MAMDC2: variants seen among roughly 807,000 people sequenced by gnomAD.
The protein encoded by MAMDC2 is MAM domain containing 2, also known as MAM domain-containing protein 2.
In MAMDC2, 57 loss-of-function variants were observed where a neutral mutation model predicts 89.8. That is an observed-to-expected ratio of 0.63 (90% CI 0.51 to 0.79). The LOEUF (loss-of-function observed/expected upper bound fraction) is 0.79, where lower values mean the gene tolerates loss of function less well. Among genes scored for constraint, MAMDC2 ranks in the 30% least tolerant of loss-of-function variants. The pLI, the probability that MAMDC2 is intolerant of heterozygous loss-of-function variation, is 0.00. For missense variants in MAMDC2, 800 were observed against 820.6 expected, an observed-to-expected ratio of 0.97 and a Z score of 0.31; for synonymous variants, 313 against 293.4, an observed-to-expected ratio of 1.07 and a Z score of -0.68.
Position 70,056,772 on chromosome 9 carries a change from T to C in MAMDC2, c.148+12075T>C, listed in dbSNP as rs371962401. Among the ~76,000 whole-genome samples the C allele has an allele frequency of 1.7e-3, 263 of 152,270 alleles. 1 individual carries two copies. In the South Asian group the frequency reaches 0.018, roughly 10 times the overall value. On this transcript the variant is annotated intron_variant, in intron 2 of 13. Coordinates refer to ENST00000377182, the MANE Select transcript of MAMDC2 (RefSeq NM_153267.5). ...AGGCAAGCGAGGCTTCATCTGTATT[T>C]ACAGCCACTCCCCATCACTTGCATT...
At chr9:70,052,095 A>G (rs181725303) in intron 2 of MAMDC2, among the ~76,000 whole-genome samples, 13 of 152,348 alleles carry the variant, frequency 8.5e-5, no homozygotes, top group African/African-American at 2.9e-4. Context: ...TTAAAAAACA[A>G]CACACACTAA....
intron 2 of MAMDC2, among the ~76,000 whole-genome samples, chr9:70,091,189 AC>A (rs1424576363): frequency 6.6e-6 from 1 of 152,180 alleles, no homozygotes; most frequent in Admixed American, 6.5e-5. Context: ...TGTATTACTT[AC>A]TAAAAATAAA....
At chr9:70,223,095 C>T (rs2033594838) in intron 12 of MAMDC2, among the ~76,000 whole-genome samples, 1 of 136,376 alleles carries the variant, frequency 7.3e-6, no homozygotes, top group Non-Finnish European at 1.5e-5. Context: ...GCTGATATCG[C>T]ATCACTGCAC....
chr9:70,206,661 G>A (rs529747426), intron 11 of MAMDC2, among the ~76,000 whole-genome samples: 56 of 151,868 alleles, frequency 3.7e-4, no homozygotes, highest in Admixed American at 1.2e-3. Context: ...TTAAGTTCTA[G>A]GGTACATGTG....
intron 11 of MAMDC2, chr9:70,188,497 G>A (rs1389865443): frequency 6.6e-6 from 1 of 151,164 alleles, no homozygotes; most frequent in Non-Finnish European, 1.5e-5. Context: ...CTTAGTGGTT[G>A]CCCTAGGGAT....
intron 11 of MAMDC2, among the ~76,000 whole-genome samples, chr9:70,199,060 T>TTTG (rs780118024): frequency 0.38 from 923 of 2,456 alleles, 9 homozygotes; most frequent in African/African-American, 0.48. Flanking sequence ...TTTTCGTTTG[T>TTTG]TTTTTTTTTA....
Position 70,052,467 on chromosome 9 carries a change from G to A in MAMDC2, c.148+7770G>A, listed in dbSNP as rs182761158. On this transcript the variant is annotated intron_variant, in intron 2 of 13. Coordinates refer to ENST00000377182, the MANE Select transcript of MAMDC2 (RefSeq NM_153267.5). ...GCTCATCTATTTAGGTTCCACCTAT[G>A]CTTTAAGGTCCAGCTTTTTCTTAAA... 1.1e-4 allele frequency among the ~76,000 whole-genome samples: 16 copies of A among 152,260 alleles called. 1 individual carries two copies. In the East Asian group the frequency reaches 2.5e-3, roughly 24 times the overall value.
At chr9:70,126,074 T>C in intron 5 of MAMDC2, 85 bp from the exon 6 acceptor site, 1 of 1,391,072 alleles carries the variant, frequency 7.2e-7, no homozygotes, top group Non-Finnish European at 9.9e-7. Flanking sequence ...TTATTTAGAA[T>C]GCAGAATCAC....
In MAMDC2 at chr9:70,126,401, C is replaced by T. The variant is rs961021851; in HGVS notation, c.886C>T (p.Pro296Ser). 1.2e-6 allele frequency: 2 copies of T among 1,613,208 alleles called. No individual in the cohort carries two copies. The highest frequency in any genetic ancestry group is 1.7e-5 in the Admixed American group (1 of 60,006). Reference protein sequence around the residue: ...WNLAEVEFSAPYPMEVIFEVA... With the variant: ...WNLAEVEFSASYPMEVIFEVA... ...CCTTGCGGAGGTCGAGTTCAGTGCT[C>T]CTTACCCCATGGAGGTAGGTGTACT... The change falls in exon 6 of 14, where the codon CCT (proline) becomes TCT (serine). Residue 296 changes from proline to serine, a missense_variant. Transcript: ENST00000377182.
intron 7 of MAMDC2, among the ~76,000 whole-genome samples, chr9:70,137,927 G>T (rs994003358): frequency 6.6e-6 from 1 of 152,212 alleles, no homozygotes; most frequent in Non-Finnish European, 1.5e-5. Context: ...TTGTATAAAT[G>T]TATGTGGTAC....
At chr9:70,126,620 A>C (rs537869482) in intron 6 of MAMDC2, among the ~76,000 whole-genome samples, 50 of 152,026 alleles carry the variant, frequency 3.3e-4, no homozygotes, top group Admixed American at 1.3e-4. Context: ...TATCACCTTC[A>C]TTTCCTAGCA....
chr9:70,133,729 T>A (rs952873514), intron 7 of MAMDC2, among the ~76,000 whole-genome samples: 2 of 152,190 alleles, frequency 1.3e-5, no homozygotes, highest in Non-Finnish European at 2.9e-5. Context: ...ATAGACTTGT[T>A]GGGAAAGTTA....
At chr9:70,145,544 A>AT (rs778298360) in intron 9 of MAMDC2, among the ~76,000 whole-genome samples, 7 of 148,512 alleles carry the variant, frequency 4.7e-5, no homozygotes, top group Non-Finnish European at 1.0e-4. Context: ...ACAAGTAGTT[A>AT]TAGTAATACA....
chr9:70,072,798 A>G (rs927639618), intron 2 of MAMDC2, among the ~76,000 whole-genome samples: 11 of 152,290 alleles, frequency 7.2e-5, no homozygotes, highest in Admixed American at 3.9e-4. Flanking sequence ...AGGCAAAAAA[A>G]GCAAATTTTT....
chr9:70,059,483 A>G (rs1827098587), intron 2 of MAMDC2, among the ~76,000 whole-genome samples: 1 of 151,494 alleles, frequency 6.6e-6, no homozygotes, highest in Non-Finnish European at 1.5e-5. Flanking sequence ...TTCTTTCATG[A>G]CCCCCTCCCC....
chr9:70,044,032 C>A lies in MAMDC2; in HGVS notation c.-166C>A. Reference sequence around the variant, plus strand: ...CAGCATACCGCTCGGCTCCGGGAGCCGCTCTGCAAAGTTGGGCAGCTCAGA... The same window carrying A: ...CAGCATACCGCTCGGCTCCGGGAGCAGCTCTGCAAAGTTGGGCAGCTCAGA... On this transcript the variant is annotated 5_prime_UTR_variant, in exon 1 of 14. Transcript: ENST00000377182. The A allele has an allele frequency of 1.3e-6, 1 of 743,614 alleles. No individual in the cohort carries two copies. Among genetic ancestry groups the A allele is most frequent in the Non-Finnish European group, 2.2e-6 (1 of 452,492 alleles). The allele number at this position is 743,614 out of a possible 1,614,324, so 46.1% of individuals were successfully genotyped here. A position where few individuals can be genotyped will look rare whatever the true frequency, so the allele number is the denominator to read the frequency against.
chr9:70,114,294 C>G (rs1302630087), intron 5 of MAMDC2, among the ~76,000 whole-genome samples: 1 of 147,066 alleles, frequency 6.8e-6, no homozygotes, highest in Non-Finnish European at 1.5e-5. Context: ...ATGGCAGAGA[C>G]CCTGTGCAAA....
At chr9:70,065,993 A>G (rs1827253436) in intron 2 of MAMDC2, among the ~76,000 whole-genome samples, 1 of 152,236 alleles carries the variant, frequency 6.6e-6, no homozygotes, top group Admixed American at 6.5e-5. Flanking sequence ...GGCCTGGGAT[A>G]TAGTAGTGAA....
chr9:70,110,594 T>C (rs1338737258), intron 4 of MAMDC2, among the ~76,000 whole-genome samples: 2 of 152,092 alleles, frequency 1.3e-5, no homozygotes, highest in African/African-American at 4.8e-5. Flanking sequence ...GTAGGGTGTT[T>C]GAAGTGAGAC....
Sources: gnomAD v4.1 joint callset for allele counts (sites outside exome capture counted in the v4.1 genomes callset) on GRCh38, gnomAD v4.1.1 for gene constraint, MANE v1.5 for transcripts, NCBI Gene and HGNC (gene_info 2026-07-23, HGNC 2026-07-21) for gene names.